Variants in CREB3L1 observed in about 807,000 individuals in gnomAD.
CREB3L1 encodes cyclic AMP-responsive element-binding protein 3-like protein 1.
Under a neutral mutation model 54.5 loss-of-function variants are expected in CREB3L1, and 33 were observed. The observed-to-expected ratio is 0.61, with a 90% CI of 0.46 to 0.81. CREB3L1 has a LOEUF of 0.81. Ranked by LOEUF, CREB3L1 falls within the 30% of genes least tolerant of loss-of-function variation. The pLI is 0.00. For missense variants in CREB3L1, 656 were observed against 673.3 expected (o/e 0.97, Z 0.29); for synonymous variants, 284 against 286.4 (o/e 0.99, Z 0.08).
intron 1 of CREB3L1, among the ~76,000 whole-genome samples, chr11:46,287,020 A>T (rs142906697): frequency 6.6e-6 from 1 of 152,184 alleles, no homozygotes; most frequent in Non-Finnish European, 1.5e-5. Flanking sequence ...GTGGGTCCAC[A>T]GGTCAGATGG....
intron 1 of CREB3L1, among the ~76,000 whole-genome samples, chr11:46,286,531 G>A (rs1376475938): frequency 6.6e-6 from 1 of 152,196 alleles, no homozygotes; most frequent in Non-Finnish European, 1.5e-5. Flanking sequence ...GGGCATGGTG[G>A]CTCATGCCTG....
intron 2 of CREB3L1, among the ~76,000 whole-genome samples, chr11:46,303,704 T>C (rs1293046694): frequency 6.6e-6 from 1 of 151,626 alleles, no homozygotes; most frequent in Non-Finnish European, 1.5e-5. Flanking sequence ...AAAAGTCCTA[T>C]GAATACTATG....
At chr11:46,285,567 C>T (rs141469273) in intron 1 of CREB3L1, among the ~76,000 whole-genome samples, 1 of 152,300 alleles carries the variant, frequency 6.6e-6, no homozygotes, top group East Asian at 1.9e-4. Context: ...TTGATCCCCA[C>T]CACCTAGACA....
intron 1 of CREB3L1, among the ~76,000 whole-genome samples, chr11:46,285,637 C>A (rs778964715): frequency 3.3e-5 from 5 of 152,156 alleles, no homozygotes; most frequent in Admixed American, 3.3e-4. Flanking sequence ...TCCCTGCCGC[C>A]GGGTTCAGTG....
At position 46,304,425 on chromosome 11, in the gene CREB3L1, C is replaced by T. The variant is rs186924917; in HGVS notation, c.332-3391C>T. On this transcript the variant is annotated intron_variant, in intron 2 of 11. Coordinates refer to ENST00000621158, the MANE Select transcript of CREB3L1 (RefSeq NM_052854.4). ...GGCAGAGGTTGCGGTGAACTGAGATCGCACCATTGCACTCTAGCCTGGGCA... is the reference window on the plus strand; with the variant it reads ...GGCAGAGGTTGCGGTGAACTGAGATTGCACCATTGCACTCTAGCCTGGGCA... 1.2e-3 allele frequency among the ~76,000 whole-genome samples: 186 copies of T among 152,094 alleles called. 2 individuals carry two copies. Among genetic ancestry groups the T allele is most frequent in the Non-Finnish European group, 1.6e-3 (111 of 68,000 alleles).
At chr11:46,317,279 G>C (rs1161649649) in intron 9 of CREB3L1, 82 bp from the exon 10 acceptor site, 20 of 1,572,962 alleles carry the variant, frequency 1.3e-5, no homozygotes, top group Non-Finnish European at 1.7e-5. Context: ...GTGCCTGTTG[G>C]TTTGGGAGAG....
rs78366230 is a variant in CREB3L1, at chr11:46,292,916, G to A, written c.103-7019G>A. Reference sequence around the variant, plus strand: ...GGATTACAAGTGTGAGCCCCCTTGAGTGGCCTAGAAGATCTCTCTTCATGT... The same window carrying A: ...GGATTACAAGTGTGAGCCCCCTTGAATGGCCTAGAAGATCTCTCTTCATGT... On this transcript the variant is annotated intron_variant, in intron 1 of 11. Coordinates refer to ENST00000621158, the MANE Select transcript of CREB3L1 (RefSeq NM_052854.4). Among the ~76,000 whole-genome samples, 12 of 152,216 alleles carry A rather than the reference G, an allele frequency of 7.9e-5. No homozygotes were observed. The East Asian group carries it at 2.3e-3, about 29-fold the overall frequency.
intron 8 of CREB3L1, among the ~76,000 whole-genome samples, chr11:46,314,107 G>A (rs1332992238): frequency 6.6e-6 from 1 of 151,954 alleles, no homozygotes; most frequent in Non-Finnish European, 1.5e-5. Flanking sequence ...ATGTGGTGGT[G>A]CATGCCTGTA....
intron 4 of CREB3L1, among the ~76,000 whole-genome samples, chr11:46,310,467 C>T (rs999678139): frequency 5.3e-5 from 8 of 152,082 alleles, no homozygotes; most frequent in Non-Finnish European, 1.0e-4. Context: ...CGGGGTTTGG[C>T]CATATTGGTC....
chr11:46,320,463 G>C lies in CREB3L1; in HGVS notation c.1458G>C (p.Trp486Cys). ...CCACCAAGTACCTGAGTGAGGCCTGGCCTAAAGACGGTGGAAACGGCACCA... is the reference window on the plus strand; with the variant it reads ...CCACCAAGTACCTGAGTGAGGCCTGCCCTAAAGACGGTGGAAACGGCACCA... ...HETTKYLSEA[W>C]PKDGGNGTSP... Residue 486 changes from tryptophan (W) to cysteine (C), a missense_variant, in exon 11 of 12, where the codon TGG (tryptophan) becomes TGC (cysteine). Transcript: ENST00000621158. 6.2e-7 allele frequency: 1 copy of C among 1,604,212 alleles called. No homozygotes were observed. Among genetic ancestry groups the C allele is most frequent in the Non-Finnish European group, 8.5e-7 (1 of 1,175,522 alleles).
rs755740355 is a variant in CREB3L1, at chr11:46,300,105, C to T, written c.273C>T (p.Ser91=). ...AGGCGGAGCACAGCTACTCCCTGAG[C>T]GGCGACTCAGCGCCCCAGAGCCCCC... The part of the protein sequence containing the change: ...GIQAEHSYSL[S]GDSAPQSPLV... The change falls in exon 2 of 12, where the codon AGC becomes AGT. Residue 91 remains serine, a synonymous_variant. Coordinates refer to ENST00000621158, the MANE Select transcript of CREB3L1 (RefSeq NM_052854.4). 17 of 1,613,662 alleles carry T rather than the reference C, an allele frequency of 1.1e-5. No individual in the cohort carries two copies. Among genetic ancestry groups the T allele is most frequent in the East Asian group, 2.2e-5 (1 of 44,882 alleles).
chr11:46,294,826 A>G (rs1566183174), intron 1 of CREB3L1, among the ~76,000 whole-genome samples: 1 of 151,054 alleles, frequency 6.6e-6, no homozygotes, highest in African/African-American at 2.4e-5. Flanking sequence ...ACCGTCCGGG[A>G]ATGCATGGGT....
At chr11:46,279,373 G>A (rs1672257843) in intron 1 of CREB3L1, among the ~76,000 whole-genome samples, 1 of 152,134 alleles carries the variant, frequency 6.6e-6, no homozygotes, top group African/African-American at 2.4e-5. Context: ...CGGAGTCAAG[G>A]AGGCATGGGG....
intron 9 of CREB3L1, among the ~76,000 whole-genome samples, chr11:46,316,676 C>T (rs1194623924): frequency 6.6e-6 from 1 of 152,192 alleles, no homozygotes; most frequent in African/African-American, 2.4e-5. Context: ...GAGGAGGCGG[C>T]TTCCACAGGC....
intron 1 of CREB3L1, among the ~76,000 whole-genome samples, chr11:46,283,053 T>C (rs564882432): frequency 1.1e-3 from 163 of 151,208 alleles, no homozygotes; most frequent in Non-Finnish European, 1.9e-3. Context: ...GAGCCGGGCA[T>C]GGTGGCATAT....
chr11:46,303,712 A>G (rs982504184), intron 2 of CREB3L1, among the ~76,000 whole-genome samples: 2 of 150,126 alleles, frequency 1.3e-5, no homozygotes, highest in Admixed American at 1.3e-4. Flanking sequence ...TATGAATACT[A>G]TGGGTGGGCC....
intron 1 of CREB3L1, among the ~76,000 whole-genome samples, chr11:46,282,755 A>T (rs2136334058): frequency 6.6e-6 from 1 of 152,224 alleles, no homozygotes; most frequent in East Asian, 1.9e-4. Context: ...TATTTCCTCC[A>T]CGAGAAAGTA....
In CREB3L1 at chr11:46,320,521, C is replaced by T. The variant is rs1383377424; in HGVS notation, c.1516C>T (p.His506Tyr). 4 of 1,446,550 alleles carry T rather than the reference C, an allele frequency of 2.8e-6. 1 individual carries two copies. In the Admixed American group the frequency reaches 7.3e-5, roughly 26 times the overall value. The allele number at this position is 1,446,550 out of a possible 1,614,324, so 89.6% of individuals were successfully genotyped here. Residue 506 changes from histidine (H) to tyrosine (Y), a missense_variant, in exon 11 of 12, where the codon CAC becomes TAC. Physicochemically the swap from His to Tyr is moderately conservative, Grantham distance 83 (BLOSUM62 2). Around this residue, in one of 3 missense-constraint regions of CREB3L1, gnomAD observed 240 missense variants for 219.8 expected, o/e 1.09. Transcript: ENST00000621158. ...PDFSHSKEWF[H>Y]DRDLGPNTTI... is the part of the protein sequence containing the mutation. The stretch of plus-strand genomic sequence containing the variant: ...CTTCTCCCACTCCAAGGAGTGGTTC[C>T]ACGACAGGTGGGGTGTGTGGCCCCT...
chr11:46,299,600 G>T (rs1377958851), intron 1 of CREB3L1, among the ~76,000 whole-genome samples: 1 of 152,242 alleles, frequency 6.6e-6, no homozygotes, highest in Non-Finnish European at 1.5e-5. Flanking sequence ...TTTGACAAAG[G>T]TCACAGAGCC....
Sources: allele counts gnomAD v4.1 joint callset (sites outside exome capture counted in the v4.1 genomes callset), GRCh38; gene constraint gnomAD v4.1.1; regional missense constraint gnomAD v4.1.1; transcripts MANE v1.5; gene names NCBI Gene and HGNC (gene_info 2026-07-23, HGNC 2026-07-21).